CHAF1A: variants seen among roughly 807,000 people sequenced by gnomAD.
CHAF1A encodes the protein chromatin assembly factor 1 subunit A, also known as CAF-1 subunit A.
In CHAF1A, 5 loss-of-function variants were observed where a neutral mutation model predicts 93.2. The observed-to-expected ratio is 0.05, with a 90% CI of 0.03 to 0.11. The LOEUF (loss-of-function observed/expected upper bound fraction) is 0.11, where lower values mean the gene tolerates loss of function less well. Among genes scored for constraint, CHAF1A ranks in the 10% least tolerant of loss-of-function variants. CHAF1A has a pLI of 1.00. For missense variants in CHAF1A, 1,102 were observed against 1,259.9 expected, an observed-to-expected ratio of 0.87 and a Z score of 1.90; for synonymous variants, 504 against 510.3, an observed-to-expected ratio of 0.99 and a Z score of 0.17.
At chr19:4,407,717 G>A (rs1332275327) in intron 2 of CHAF1A, among the ~76,000 whole-genome samples, 8 of 152,136 alleles carry the variant, frequency 5.3e-5, no homozygotes, top group Non-Finnish European at 1.2e-4. Context: ...GGAGGTGGAG[G>A]CGGGCAGATC....
chr19:4,442,473 G>A, intron 14 of CHAF1A, 132 bp downstream of exon 14: 1 of 763,846 alleles, frequency 1.3e-6, no homozygotes, highest in Non-Finnish European at 2.2e-6. Context: ...GCTGGAAGTG[G>A]CTCCTGCCCT....
chr19:4,445,524 G>C, downstream of CHAF1A: 3 of 1,613,966 alleles, frequency 1.9e-6, no homozygotes, highest in Non-Finnish European at 2.5e-6. Context: ...ATGGCTGACA[G>C]GAGCTCGGGT....
At chr19:4,445,359 C>T, downstream of CHAF1A, 2 of 1,429,936 alleles carry the variant, frequency 1.4e-6, no homozygotes, top group Non-Finnish European at 1.9e-6. Flanking sequence ...TCCACAGCTC[C>T]ACGGCTGGCG....
At position 4,442,255 on chromosome 19, in the gene CHAF1A, A is replaced by C; in HGVS notation, c.2684A>C (p.Glu895Ala). The change falls in exon 14 of 15, where the codon GAA (glutamate) becomes GCA (alanine). Residue 895 changes from glutamate to alanine, a missense_variant. This residue lies in a region of CHAF1A where 119 missense variants were observed against 102.2 expected (regional missense o/e 1.16). Coordinates refer to ENST00000301280, the MANE Select transcript of CHAF1A (RefSeq NM_005483.3). ...ACCCTGTCTGTCCAGATTGGTGCTG[A>C]AGACATGGACGGCTTCCAGGCAGAC... ...KRRHDGQIGAEDMDGFQADTE... is the reference protein window; with the variant it reads ...KRRHDGQIGAADMDGFQADTE... 2.5e-6 allele frequency: 4 copies of C among 1,614,016 alleles called. No homozygotes were observed. The highest frequency in any genetic ancestry group is 3.4e-6 in the Non-Finnish European group (4 of 1,179,934).
intron 13 of CHAF1A, among the ~76,000 whole-genome samples, chr19:4,441,184 G>T (rs1316169241): frequency 6.6e-6 from 1 of 152,104 alleles, no homozygotes; most frequent in African/African-American, 2.4e-5. Flanking sequence ...GGGTGTGGTG[G>T]CAGGTGGCTG....
At chr19:4,406,039 A>C (rs1973674169) in intron 2 of CHAF1A, 77 bp downstream of exon 2, 4 of 1,180,308 alleles carry the variant, frequency 3.4e-6, no homozygotes, top group Non-Finnish European at 5.1e-6. Context: ...ACCTCAGTGG[A>C]AGCCTGGAGC....
Position 4,443,107 on chromosome 19 carries a change from G to C in CHAF1A, c.*82G>C, listed in dbSNP as rs1217690566. 3.2e-6 allele frequency: 3 copies of C among 926,306 alleles called. No homozygotes were observed. In the East Asian group the frequency reaches 7.9e-5, roughly 24 times the overall value. 57.4% of individuals were successfully genotyped at this position (926,306 alleles called of 1,614,324 possible). A position where few individuals can be genotyped will look rare whatever the true frequency, so the allele number is the denominator to read the frequency against. Reference sequence around the variant, plus strand: ...TGAACCGACTCAATTCCTGTGTAAAGAGCACTTTGTCCTGCTTCACGGACC... The same window carrying C: ...TGAACCGACTCAATTCCTGTGTAAACAGCACTTTGTCCTGCTTCACGGACC... On this transcript the variant is annotated 3_prime_UTR_variant, in exon 15 of 15. Coordinates refer to ENST00000301280, the MANE Select transcript of CHAF1A (RefSeq NM_005483.3).
intron 3 of CHAF1A, among the ~76,000 whole-genome samples, chr19:4,415,379 AG>A (rs1019824620): frequency 6.6e-6 from 1 of 152,068 alleles, no homozygotes; most frequent in Non-Finnish European, 1.5e-5. Context: ...CTCACAGCAG[AG>A]GGGGGGCATT....
At chr19:4,447,725 C>T, downstream of CHAF1A, 6 of 1,258,614 alleles carry the variant, frequency 4.8e-6, no homozygotes, top group Non-Finnish European at 5.8e-6. Flanking sequence ...CCACACTTGG[C>T]CTCTAGTCAG....
intron 1 of CHAF1A, 108 bp from the exon 2 acceptor site, chr19:4,405,804 G>C: frequency 1.1e-6 from 1 of 911,352 alleles, no homozygotes; most frequent in Non-Finnish European, 1.8e-6. Context: ...CGAGGACAGA[G>C]GGGTCAGAAT....
At chr19:4,426,821 T>G (rs1490067988) in intron 7 of CHAF1A, among the ~76,000 whole-genome samples, 1 of 152,092 alleles carries the variant, frequency 6.6e-6, no homozygotes, top group Non-Finnish European at 1.5e-5. Context: ...CCAGGTGCGG[T>G]GGCTTATGCC....
At chr19:4,429,158 T>C (rs243370) in intron 8 of CHAF1A, 577,757 of 588,576 alleles carry the variant, frequency 0.98, 283,616 homozygotes, top group African/African-American at 0.99. Flanking sequence ...CCCCAACACC[T>C]CGCTCTTGCA....
At chr19:4,448,185 C>G (rs59106361), downstream of CHAF1A, 5,955 of 778,784 alleles carry the variant, frequency 7.6e-3, 243 homozygotes, top group African/African-American at 0.09. Context: ...GGAGCTGCCT[C>G]ACTCTCGGCC....
At position 4,422,896 on chromosome 19, in the gene CHAF1A, C is replaced by G. The variant is rs891993040; in HGVS notation, c.1247+101C>G. On this transcript the variant is annotated intron_variant, in intron 5 of 14. Coordinates refer to ENST00000301280, the MANE Select transcript of CHAF1A (RefSeq NM_005483.3). This position sits in a 1 kb window ranked among gnomAD's most constrained non-coding sequence, Gnocchi z 4.6. ...TTTCCACTTCACAGGCAGATGGCGG[C>G]TCCCTTCAGTTCCTTCCCATTTCTC... The G allele has an allele frequency of 1.8e-6, 2 of 1,128,272 alleles. No individual in the cohort carries two copies. The highest frequency in any genetic ancestry group is 2.3e-5 in the Admixed American group (1 of 43,810). The allele number at this position is 1,128,272 out of a possible 1,614,324, so 69.9% of individuals were successfully genotyped here. A position where few individuals can be genotyped will look rare whatever the true frequency, so the allele number is the denominator to read the frequency against.
chr19:4,402,841 AGG>A, intron 1 of CHAF1A, 27 bp downstream of exon 1: 4 of 1,187,778 alleles, frequency 3.4e-6, no homozygotes, highest in Non-Finnish European at 1.0e-6. Flanking sequence ...GCCGAGGGGA[AGG>A]GGGGGCGCGG....
chr19:4,415,386 GC>G (rs1568432643), intron 3 of CHAF1A, among the ~76,000 whole-genome samples: 1 of 152,174 alleles, frequency 6.6e-6, no homozygotes, highest in Non-Finnish European at 1.5e-5. Flanking sequence ...CAGAGGGGGG[GC>G]ATTGTAAGAG....
At chr19:4,436,686 G>T (rs917574945) in intron 13 of CHAF1A, among the ~76,000 whole-genome samples, 2 of 152,124 alleles carry the variant, frequency 1.3e-5, no homozygotes, top group Admixed American at 1.3e-4. Flanking sequence ...TTCCTTTGGG[G>T]TCTCCTCATG....
chr19:4,417,140 T>C (rs1312451161), intron 3 of CHAF1A, among the ~76,000 whole-genome samples: 1 of 152,094 alleles, frequency 6.6e-6, no homozygotes, highest in African/African-American at 2.4e-5. Flanking sequence ...CCCGACTAAC[T>C]AAAAGCTTTT....
In CHAF1A at chr19:4,409,447, G is replaced by A. The variant is rs1303511510; in HGVS notation, c.648G>A (p.Met216Ile). The A allele has an allele frequency of 6.2e-7, 1 of 1,614,110 alleles. No homozygotes were observed. Among genetic ancestry groups the A allele is most frequent in the Non-Finnish European group, 8.5e-7 (1 of 1,180,012 alleles). ...SCPELTSGPR[M>I]CPRKEQDSWS... Reference sequence around the variant, plus strand: ...CGGAGCTGACGAGTGGCCCGAGAATGTGCCCCAGAAAGGAGCAGGACAGTT... The same window carrying A: ...CGGAGCTGACGAGTGGCCCGAGAATATGCCCCAGAAAGGAGCAGGACAGTT... Residue 216 changes from methionine to isoleucine, a missense_variant, in exon 3 of 15, where the codon ATG becomes ATA. Around this residue, in one of 6 missense-constraint regions of CHAF1A, gnomAD observed 379 missense variants for 365.7 expected, o/e 1.04. Transcript: ENST00000301280.
Sources: allele counts gnomAD v4.1 joint callset (sites outside exome capture counted in the v4.1 genomes callset), GRCh38; gene constraint gnomAD v4.1.1; regional missense constraint gnomAD v4.1.1; non-coding constraint Gnocchi (gnomAD v3.1); transcripts MANE v1.5; gene names NCBI Gene and HGNC (gene_info 2026-07-23, HGNC 2026-07-21).